The following CACNA2D3 variants were observed in gnomAD, a reference collection of about 807,000 sequenced individuals.
CACNA2D3 encodes calcium voltage-gated channel auxiliary subunit alpha2delta 3.
CACNA2D3 carries 60 observed loss-of-function variants against 160.6 expected under a neutral mutation model. The ratio of observed to expected loss-of-function variants is 0.37; its 90% CI spans 0.30 to 0.46. The LOEUF is 0.46. Ranked by LOEUF, CACNA2D3 falls within the 20% of genes least tolerant of loss-of-function variation. The pLI, the probability that CACNA2D3 is intolerant of heterozygous loss-of-function variation, is 1.00. For synonymous variants in CACNA2D3, 558 were observed against 492.9 expected (o/e 1.13, Z -1.75); for missense variants, 1,205 against 1,365.0 (o/e 0.88, Z 1.85).
chr3:54,755,794 A>G (rs1245364852), intron 12 of CACNA2D3, among the ~76,000 whole-genome samples: 1 of 152,106 alleles, frequency 6.6e-6, no homozygotes, highest in Non-Finnish European at 1.5e-5. Context: ...TCTTGAAAAA[A>G]AGAGTTCCTT....
intron 24 of CACNA2D3, among the ~76,000 whole-genome samples, chr3:54,891,059 T>A (rs1236134867): frequency 6.6e-6 from 1 of 152,148 alleles, no homozygotes; most frequent in Non-Finnish European, 1.5e-5. Context: ...AATAAAGATG[T>A]GTGTATGGTT....
chr3:54,764,650 T>C (rs1702184333), intron 13 of CACNA2D3, among the ~76,000 whole-genome samples: 1 of 152,222 alleles, frequency 6.6e-6, no homozygotes, highest in African/African-American at 2.4e-5. Context: ...TCTGTCAGTG[T>C]AGCAATGATT....
intron 8 of CACNA2D3, among the ~76,000 whole-genome samples, chr3:54,574,961 C>T (rs997285584): frequency 2.0e-5 from 3 of 152,200 alleles, no homozygotes; most frequent in Non-Finnish European, 4.4e-5. Flanking sequence ...GATGCTTTGC[C>T]GCTGTGGATT....
intron 27 of CACNA2D3, among the ~76,000 whole-genome samples, chr3:54,914,833 T>C (rs1160035716): frequency 6.6e-6 from 1 of 152,210 alleles, no homozygotes; most frequent in Non-Finnish European, 1.5e-5. Context: ...CATTTAGCAA[T>C]GGATACAGGG....
chr3:54,712,597 C>A (rs759170277), intron 11 of CACNA2D3, among the ~76,000 whole-genome samples: 1 of 152,204 alleles, frequency 6.6e-6, no homozygotes, highest in Non-Finnish European at 1.5e-5. Context: ...TGAGGCCTCT[C>A]CAGCCACGTG....
Position 54,399,794 on chromosome 3 carries a change from A to C in CACNA2D3, c.381+13020A>C, listed in dbSNP as rs1309664245. 4.4e-5 allele frequency among the ~76,000 whole-genome samples: 5 copies of C among 112,720 alleles called. 1 individual carries two copies. The highest frequency in any genetic ancestry group is 9.2e-5 in the Non-Finnish European group (5 of 54,400). 73.9% of individuals were successfully genotyped at this position (112,720 alleles called of 152,430 possible). A position where few individuals can be genotyped will look rare whatever the true frequency, so the allele number is the denominator to read the frequency against. On this transcript the variant is annotated intron_variant, in intron 4 of 37. Transcript: ENST00000474759. ...TTGTTTGTCTGTGCCCTGCCCCCAG[A>C]GGTGGAGCCTACAGAGGCAGGCAGG...
At chr3:54,664,205 A>G (rs1700023923) in intron 11 of CACNA2D3, among the ~76,000 whole-genome samples, 1 of 152,190 alleles carries the variant, frequency 6.6e-6, no homozygotes, top group Admixed American at 6.5e-5. Context: ...TGGCCAGTAA[A>G]GGGACCAGTG....
chr3:54,304,060 C>T (rs1367539599), intron 2 of CACNA2D3, among the ~76,000 whole-genome samples: 1 of 152,086 alleles, frequency 6.6e-6, no homozygotes, highest in Non-Finnish European at 1.5e-5. Context: ...CATGTTTGGT[C>T]AGATAATCCT....
chr3:54,661,050 C>G (rs1699960968), intron 11 of CACNA2D3, among the ~76,000 whole-genome samples: 1 of 152,046 alleles, frequency 6.6e-6, no homozygotes, highest in Non-Finnish European at 1.5e-5. Flanking sequence ...AGCAAAGAGG[C>G]CCATGTGGAA....
intron 12 of CACNA2D3, among the ~76,000 whole-genome samples, chr3:54,756,428 A>G (rs1559570724): frequency 6.6e-6 from 1 of 152,126 alleles, no homozygotes; most frequent in Admixed American, 6.5e-5. Flanking sequence ...GTATTCTTCT[A>G]TGGTCATTAA....
rs146413615 is a variant in CACNA2D3, at chr3:54,678,350, G to A, written c.1167+36109G>A. ...GAGGGACTGCAAATTGAAGACAAGA[G>A]AGAGTTTAATAGGAAAGATTGGGCG... On this transcript the variant is annotated intron_variant, in intron 11 of 37. Coordinates refer to ENST00000474759, the MANE Select transcript of CACNA2D3 (RefSeq NM_018398.3). 4.6e-3 allele frequency among the ~76,000 whole-genome samples: 706 copies of A among 152,260 alleles called. 6 individuals carry two copies. Among genetic ancestry groups the A allele is most frequent in the Middle Eastern group, 0.01 (3 of 294 alleles).
At chr3:54,977,590 T>G (rs1381055944) in intron 29 of CACNA2D3, among the ~76,000 whole-genome samples, 1 of 152,230 alleles carries the variant, frequency 6.6e-6, no homozygotes, top group Non-Finnish European at 1.5e-5. Flanking sequence ...TATGATGATT[T>G]GTGGCCTTAT....
At chr3:54,350,231 C>T (rs1469345555) in intron 3 of CACNA2D3, among the ~76,000 whole-genome samples, 1 of 152,148 alleles carries the variant, frequency 6.6e-6, no homozygotes, top group Non-Finnish European at 1.5e-5. Flanking sequence ...ACTGTACTCT[C>T]TTGCTGAGAA....
chr3:54,869,890 T>A (rs2694125), intron 17 of CACNA2D3, among the ~76,000 whole-genome samples: 1 of 152,056 alleles, frequency 6.6e-6, no homozygotes, highest in Non-Finnish European at 1.5e-5. Context: ...TTGTTTACAG[T>A]GGCTTCTGAG....
intron 1 of CACNA2D3, 107 bp from the exon 2 acceptor site, chr3:54,123,406 C>A: frequency 6.5e-6 from 5 of 764,340 alleles, no homozygotes; most frequent in East Asian, 2.7e-5. Context: ...AAACATGTTA[C>A]ATCGCACTGC....
intron 5 of CACNA2D3, among the ~76,000 whole-genome samples, chr3:54,527,704 G>C (rs957905839): frequency 2.6e-5 from 4 of 152,174 alleles, no homozygotes; most frequent in African/African-American, 9.7e-5. Context: ...GAGAAATGCT[G>C]ATGACCTGCC....
In CACNA2D3 at chr3:54,925,893, T is replaced by C. The variant is rs1701000185; in HGVS notation, c.2449+26025T>C. The stretch of plus-strand genomic sequence containing the variant: ...ATCCATTTTTGCCGTTGTAATTCCA[T>C]GAACAAGGATAGTGTCTGCTGCTTT... On this transcript the variant is annotated intron_variant, in intron 27 of 37. Coordinates refer to ENST00000474759, the MANE Select transcript of CACNA2D3 (RefSeq NM_018398.3). 2.0e-5 allele frequency among the ~76,000 whole-genome samples: 3 copies of C among 152,366 alleles called. No individual in the cohort carries two copies. The South Asian group carries it at 6.2e-4, about 32-fold the overall frequency.
intron 15 of CACNA2D3, among the ~76,000 whole-genome samples, chr3:54,838,291 AAG>A (rs745555697): frequency 6.6e-6 from 1 of 152,190 alleles, no homozygotes; most frequent in Non-Finnish European, 1.5e-5. Flanking sequence ...TTTAATTTTC[AAG>A]AGAGGAGAGG....
At chr3:54,809,326 T>C (rs1559590280) in intron 13 of CACNA2D3, among the ~76,000 whole-genome samples, 2 of 120,122 alleles carry the variant, frequency 1.7e-5, no homozygotes, top group African/African-American at 7.2e-5. Flanking sequence ...TTTTTTTTTT[T>C]TTTGAGACGG....
Sources: gnomAD v4.1 joint callset for allele counts (sites outside exome capture counted in the v4.1 genomes callset) on GRCh38, gnomAD v4.1.1 for gene constraint, MANE v1.5 for transcripts, NCBI Gene and HGNC (gene_info 2026-07-23, HGNC 2026-07-21) for gene names.